LUZP2: variants seen among roughly 807,000 people sequenced by gnomAD.
The protein encoded by LUZP2 is leucine zipper protein 2.
LUZP2 carries 52 observed loss-of-function variants against 51.6 expected under a neutral mutation model. That is an observed-to-expected ratio of 1.01 (90% CI 0.81 to 1.27). The LOEUF (loss-of-function observed/expected upper bound fraction) is 1.27, where lower values mean the gene tolerates loss of function less well. LUZP2 is among the 50% of genes most tolerant of loss of function. The pLI is 0.00. For missense variants in LUZP2, 436 were observed against 395.4 expected (o/e 1.10, Z -0.87); for synonymous variants, 154 against 137.3 (o/e 1.12, Z -0.85).
intron 5 of LUZP2, among the ~76,000 whole-genome samples, chr11:24,833,481 C>G (rs888220472): frequency 4.6e-5 from 7 of 152,142 alleles, no homozygotes; most frequent in Non-Finnish European, 5.9e-5. Context: ...CAGGCTGAGA[C>G]TCACAGTCAG....
intron 4 of LUZP2, among the ~76,000 whole-genome samples, chr11:24,759,603 G>A (rs1249666153): frequency 6.6e-6 from 1 of 152,026 alleles, no homozygotes; most frequent in East Asian, 1.9e-4. Context: ...GGATTTGGGG[G>A]AAATAATGGT....
rs2133993828 is a variant in LUZP2 at position 25,032,830 on chromosome 11, G to A, written c.766-17208G>A. 1.3e-5 allele frequency among the ~76,000 whole-genome samples: 2 copies of A among 152,156 alleles called. 1 individual carries two copies. The highest frequency in any genetic ancestry group is 3.9e-4 in the East Asian group (2 of 5,190). ...TACAATACATTCATTGTTGATAATT[G>A]TGATGGTGCTTATCTTACTATATAC... On this transcript the variant is annotated intron_variant, in intron 9 of 11. Coordinates refer to ENST00000336930, the MANE Select transcript of LUZP2 (RefSeq NM_001009909.4).
chr11:24,508,373 C>T (rs1357236233), intron 1 of LUZP2, among the ~76,000 whole-genome samples: 1 of 152,108 alleles, frequency 6.6e-6, no homozygotes, highest in Non-Finnish European at 1.5e-5. Context: ...GTTACTTTTT[C>T]TCAGGTAAGC....
chr11:24,948,714 T>G (rs2133859490), intron 7 of LUZP2, among the ~76,000 whole-genome samples: 1 of 151,852 alleles, frequency 6.6e-6, no homozygotes, highest in East Asian at 1.9e-4. Context: ...TCCTCTTCTC[T>G]GAATGAAAAA....
At chr11:24,600,511 A>G (rs1853592892) in intron 1 of LUZP2, among the ~76,000 whole-genome samples, 1 of 152,128 alleles carries the variant, frequency 6.6e-6, no homozygotes, top group Admixed American at 6.6e-5. Context: ...TTTCGCTGCC[A>G]TTTCTGGTTA....
intron 7 of LUZP2, among the ~76,000 whole-genome samples, chr11:24,961,612 C>T (rs1228596385): frequency 6.6e-6 from 1 of 152,066 alleles, no homozygotes; most frequent in Non-Finnish European, 1.5e-5. Context: ...AGATCTTCCT[C>T]CATCCTTTTA....
At chr11:24,607,148 C>A (rs1000719294) in intron 1 of LUZP2, among the ~76,000 whole-genome samples, 1 of 151,348 alleles carries the variant, frequency 6.6e-6, no homozygotes, top group African/African-American at 2.4e-5. Flanking sequence ...TCATGTACTT[C>A]CAATCATTTA....
At position 24,832,995 on chromosome 11, in the gene LUZP2, A is replaced by C. The variant is rs565694833; in HGVS notation, c.396+69687A>C. ...AAACTTTGTGGGTACTTTTGGACTA[A>C]TCACCTAACCTCTTTGGGCTTCCCT... is the stretch of plus-strand genomic sequence containing the variant. On this transcript the variant is annotated intron_variant, in intron 5 of 11. Transcript: ENST00000336930. 1.5e-4 allele frequency among the ~76,000 whole-genome samples: 23 copies of C among 152,292 alleles called. 1 individual carries two copies. In the South Asian group the frequency reaches 4.8e-3, roughly 32 times the overall value.
chr11:24,852,542 A>G (rs1385084010), intron 5 of LUZP2, among the ~76,000 whole-genome samples: 1 of 152,108 alleles, frequency 6.6e-6, no homozygotes, highest in African/African-American at 2.4e-5. Context: ...GGTCAGTTTT[A>G]GAATAAGTGA....
chr11:24,582,299 A>ATTTT (rs67262111), intron 1 of LUZP2, among the ~76,000 whole-genome samples: 11 of 54,552 alleles, frequency 2.0e-4, no homozygotes, highest in African/African-American at 3.5e-4. Flanking sequence ...TCCCTAGCTG[A>ATTTT]TTTTTTTTTT....
At chr11:24,719,589 G>T (rs552525062) in intron 1 of LUZP2, among the ~76,000 whole-genome samples, 2 of 152,332 alleles carry the variant, frequency 1.3e-5, no homozygotes, top group Non-Finnish European at 2.9e-5. Flanking sequence ...TTGGCACTAT[G>T]TAGTACATTG....
intron 5 of LUZP2, among the ~76,000 whole-genome samples, chr11:24,792,655 C>T (rs1268742932): frequency 6.6e-6 from 1 of 152,096 alleles, no homozygotes; most frequent in East Asian, 1.9e-4. Flanking sequence ...AAAGGAGAGA[C>T]TGGATTTGAG....
intron 9 of LUZP2, among the ~76,000 whole-genome samples, chr11:24,985,628 A>G (rs1174211176): frequency 6.6e-6 from 1 of 151,722 alleles, no homozygotes; most frequent in African/African-American, 2.4e-5. Context: ...TAGTGACTAA[A>G]TGGGAAGCAT....
chr11:24,827,981 T>C (rs1010924601), intron 5 of LUZP2, among the ~76,000 whole-genome samples: 59 of 152,114 alleles, frequency 3.9e-4, no homozygotes, highest in East Asian at 3.9e-4. Flanking sequence ...GAGTTTGCTG[T>C]AGGTCTGCAA....
intron 6 of LUZP2, among the ~76,000 whole-genome samples, chr11:24,907,360 TATA>T (rs1244763852): frequency 6.6e-6 from 1 of 151,950 alleles, no homozygotes; most frequent in African/African-American, 2.4e-5. Flanking sequence ...CAATCCATTT[TATA>T]ATATCTTTCC....
chr11:24,729,319 A>G (rs1480963223), intron 2 of LUZP2, 33 bp downstream of exon 2: 4 of 1,163,332 alleles, frequency 3.4e-6, no homozygotes, highest in Non-Finnish European at 4.9e-6. Context: ...GAGCAGTAAA[A>G]GAGGAGCAGT....
chr11:24,575,378 T>G (rs143535030), intron 1 of LUZP2, among the ~76,000 whole-genome samples: 69 of 152,312 alleles, frequency 4.5e-4, no homozygotes, highest in African/African-American at 1.5e-3. Context: ...GAGAACATTA[T>G]TTGATCTGCA....
At chr11:25,074,113 G>T (rs985356505) in intron 10 of LUZP2, among the ~76,000 whole-genome samples, 8 of 152,104 alleles carry the variant, frequency 5.3e-5, no homozygotes, top group African/African-American at 1.9e-4. Flanking sequence ...AATTTGTCTT[G>T]CCTTCCTTCA....
At chr11:25,049,836 A>T (rs1858435405) in intron 9 of LUZP2, among the ~76,000 whole-genome samples, 1 of 152,148 alleles carries the variant, frequency 6.6e-6, no homozygotes, top group South Asian at 2.1e-4. Flanking sequence ...TATTTATTTA[A>T]TTTCAAAGTT....
Sources: gnomAD v4.1 joint callset for allele counts (sites outside exome capture counted in the v4.1 genomes callset) on GRCh38, gnomAD v4.1.1 for gene constraint, MANE v1.5 for transcripts, NCBI Gene and HGNC (gene_info 2026-07-23, HGNC 2026-07-21) for gene names.